EPC2: variants seen among roughly 807,000 people sequenced by gnomAD.
EPC2 encodes the protein enhancer of polycomb homolog 2.
Under a neutral mutation model 92.1 loss-of-function variants are expected in EPC2, and 14 were observed. The observed-to-expected ratio is 0.15, with a 90% CI of 0.10 to 0.24. EPC2 has a LOEUF of 0.24. Ranked by LOEUF, EPC2 falls within the 10% of genes least tolerant of loss-of-function variation. The pLI, the probability that EPC2 is intolerant of heterozygous loss-of-function variation, is 1.00. For synonymous variants in EPC2, 340 were observed against 334.7 expected, an observed-to-expected ratio of 1.02 and a Z score of -0.17; for missense variants, 755 against 971.5, an observed-to-expected ratio of 0.78 and a Z score of 2.96.
intron 1 of EPC2, among the ~76,000 whole-genome samples, chr2:148,685,735 C>T (rs900668715): frequency 6.6e-6 from 1 of 152,172 alleles, no homozygotes; most frequent in Non-Finnish European, 1.5e-5. Context: ...CCACTGCACT[C>T]TAGCCTGGGC....
chr2:148,680,875 A>G (rs1272672787), intron 1 of EPC2, among the ~76,000 whole-genome samples: 2 of 152,268 alleles, frequency 1.3e-5, no homozygotes, highest in Non-Finnish European at 2.9e-5. Context: ...ACAAAAGCAT[A>G]AAACAGTATG....
intron 2 of EPC2, among the ~76,000 whole-genome samples, chr2:148,731,975 AT>A (rs1421288844): frequency 6.6e-6 from 1 of 152,176 alleles, no homozygotes; most frequent in Non-Finnish European, 1.5e-5. Context: ...TCATTTACTA[AT>A]TGGTAAGATT....
intron 10 of EPC2, among the ~76,000 whole-genome samples, chr2:148,779,643 A>C (rs1683711156): frequency 6.6e-6 from 1 of 152,228 alleles, no homozygotes; most frequent in Non-Finnish European, 1.5e-5. Context: ...GTAAGATTTT[A>C]TCAACTGACT....
chr2:148,700,969 A>G (rs942556370), intron 2 of EPC2, among the ~76,000 whole-genome samples: 1 of 152,112 alleles, frequency 6.6e-6, no homozygotes, highest in Non-Finnish European at 1.5e-5. Flanking sequence ...TTTTCCTCAT[A>G]TAGATCCTCT....
rs534206985 is a variant in EPC2 at position 148,650,622 on chromosome 2, A to G, written c.153+5452A>G. Among the ~76,000 whole-genome samples the G allele has an allele frequency of 1.5e-4, 23 of 152,218 alleles. No individual in the cohort carries two copies. The South Asian group carries it at 4.6e-3, about 30-fold the overall frequency. On this transcript the variant is annotated intron_variant, in intron 1 of 13. Coordinates refer to ENST00000258484, the MANE Select transcript of EPC2 (RefSeq NM_015630.4). ...CCATATCTCCTCTCATATGTTGTCT[A>G]ATTTTTGCCGTTATGTTAATATTTT...
intron 2 of EPC2, among the ~76,000 whole-genome samples, chr2:148,699,128 G>C (rs1681822052): frequency 6.6e-6 from 1 of 152,030 alleles, no homozygotes; most frequent in Non-Finnish European, 1.5e-5. Context: ...GAATTTGTAT[G>C]TCAAGGAAAA....
intron 2 of EPC2, among the ~76,000 whole-genome samples, chr2:148,729,406 C>T (rs1427219588): frequency 2.6e-5 from 4 of 152,124 alleles, no homozygotes; most frequent in African/African-American, 9.7e-5. Context: ...ATCTATACCT[C>T]TCATCCAGTT....
chr2:148,774,562 C>G (rs547651287), intron 10 of EPC2, among the ~76,000 whole-genome samples: 14 of 149,882 alleles, frequency 9.3e-5, no homozygotes, highest in African/African-American at 2.2e-4. Flanking sequence ...CTGCAGTAAG[C>G]CAAGATCCTG....
intron 1 of EPC2, among the ~76,000 whole-genome samples, chr2:148,657,388 A>G (rs1218602159): frequency 6.6e-6 from 1 of 152,152 alleles, no homozygotes; most frequent in East Asian, 1.9e-4. Flanking sequence ...AATACCTCCC[A>G]CAAAAATTTC....
intron 6 of EPC2, among the ~76,000 whole-genome samples, chr2:148,763,240 C>T (rs1683335812): frequency 6.6e-6 from 1 of 152,110 alleles, no homozygotes; most frequent in African/African-American, 2.4e-5. Flanking sequence ...ATCATCATTT[C>T]CAGAGCCAGC....
chr2:148,747,537 A>G (rs1256982160), intron 3 of EPC2, among the ~76,000 whole-genome samples: 1 of 151,958 alleles, frequency 6.6e-6, no homozygotes, highest in East Asian at 1.9e-4. Context: ...GTCATAGTTA[A>G]ATTTTCAGAA....
intron 1 of EPC2, among the ~76,000 whole-genome samples, chr2:148,666,048 T>C (rs1353083216): frequency 6.6e-6 from 1 of 152,250 alleles, no homozygotes; most frequent in Non-Finnish European, 1.5e-5. Flanking sequence ...AGCCAGTATT[T>C]AGAATATTAG....
chr2:148,720,402 G>A (rs1378426970), intron 2 of EPC2, among the ~76,000 whole-genome samples: 2 of 152,110 alleles, frequency 1.3e-5, no homozygotes, highest in Admixed American at 6.5e-5. Flanking sequence ...ATCTTGTGAG[G>A]TGTCATGGAA....
intron 1 of EPC2, among the ~76,000 whole-genome samples, chr2:148,674,815 C>A (rs1374530574): frequency 6.6e-6 from 1 of 152,094 alleles, no homozygotes; most frequent in Non-Finnish European, 1.5e-5. Flanking sequence ...CAGCTGGTTT[C>A]TGGATTTCTC....
intron 2 of EPC2, among the ~76,000 whole-genome samples, chr2:148,708,564 T>G (rs1420539505): frequency 6.6e-6 from 1 of 152,234 alleles, no homozygotes; most frequent in East Asian, 1.9e-4. Context: ...TAGACCAATA[T>G]CCCTGATGAA....
chr2:148,731,621 CG>C (rs1473155934), intron 2 of EPC2, among the ~76,000 whole-genome samples: 3 of 152,138 alleles, frequency 2.0e-5, no homozygotes, highest in Non-Finnish European at 4.4e-5. Flanking sequence ...AGGCTGATCT[CG>C]AACTCCTTAC....
In EPC2 at chr2:148,771,360, T is replaced by C. The variant is rs1683514376; in HGVS notation, c.1693T>C (p.Leu565=). 3 of 1,604,352 alleles carry C rather than the reference T, an allele frequency of 1.9e-6. No individual in the cohort carries two copies. Among genetic ancestry groups the C allele is most frequent in the Admixed American group, 1.7e-5 (1 of 58,070 alleles). The change falls in exon 10 of 14, where the codon TTG becomes CTG. Residue 565 remains leucine (L), a synonymous_variant. Coordinates refer to ENST00000258484, the MANE Select transcript of EPC2 (RefSeq NM_015630.4). ...KRVSAASVAL[L]NTSKNGISVT... ...AGTTTCTGCAGCATCTGTAGCTTTA[T>C]TGAACACCAGCAAGAATGGCATATC...
chr2:148,715,413 A>T (rs758375534), intron 2 of EPC2, among the ~76,000 whole-genome samples: 3 of 152,088 alleles, frequency 2.0e-5, no homozygotes, highest in Admixed American at 6.5e-5. Context: ...TGGTGTAAGG[A>T]AGGGGTCCAG....
chr2:148,750,203 T>C (rs116480571), intron 3 of EPC2, among the ~76,000 whole-genome samples: 3 of 152,244 alleles, frequency 2.0e-5, no homozygotes, highest in East Asian at 1.9e-4. Flanking sequence ...TGGAAAACTT[T>C]AGAGGAAGAA....
Sources: gnomAD v4.1 joint callset for allele counts (sites outside exome capture counted in the v4.1 genomes callset) on GRCh38, gnomAD v4.1.1 for gene constraint, MANE v1.5 for transcripts, NCBI Gene and HGNC (gene_info 2026-07-23, HGNC 2026-07-21) for gene names.